STAM2: variants seen among roughly 807,000 people sequenced by gnomAD.
The protein encoded by STAM2 is signal transducing adaptor molecule 2, also known as signal transducing adapter molecule 2.
Under a neutral mutation model 65.6 loss-of-function variants are expected in STAM2, and 51 were observed. That is an observed-to-expected ratio of 0.78 (90% CI 0.62 to 0.98). The LOEUF is 0.98. Among genes scored for constraint, STAM2 ranks in the 50% least tolerant of loss-of-function variants. The pLI is 0.00. For synonymous variants in STAM2, 198 were observed against 208.4 expected (o/e 0.95, Z 0.43); for missense variants, 584 against 617.8 (o/e 0.95, Z 0.58).
rs1560206925 is a variant in STAM2 at position 152,118,446 on chromosome 2, T to TATATATATATA, written c.*2127_*2128insTATATATATAT. ...CGATGTGCCAATATATACTATATAT[T>TATATATATATA]TATATATATATATATGTGTCATGTT... On this transcript the variant is annotated 3_prime_UTR_variant, in exon 14 of 14. Coordinates refer to ENST00000263904, the MANE Select transcript of STAM2 (RefSeq NM_005843.6). 102 of 144,882 alleles carry TATATATATATA rather than the reference T, an allele frequency of 7.0e-4. No homozygotes were observed. Among genetic ancestry groups the TATATATATATA allele is most frequent in the African/African-American group, 2.2e-3 (87 of 38,916 alleles). The allele number at this position is 144,882 out of a possible 1,614,324, so 9.0% of individuals were successfully genotyped here.
chr2:152,171,823 T>C (rs1290747127), intron 1 of STAM2, among the ~76,000 whole-genome samples: 1 of 152,192 alleles, frequency 6.6e-6, no homozygotes, highest in African/African-American at 2.4e-5. Flanking sequence ...AGCAAACATT[T>C]AGCAATGAAT....
intron 1 of STAM2, among the ~76,000 whole-genome samples, chr2:152,157,971 A>T (rs1055366464): frequency 6.6e-6 from 1 of 152,234 alleles, no homozygotes; most frequent in African/African-American, 2.4e-5. Flanking sequence ...ATAATATAAA[A>T]AATTACTAAA....
chr2:152,125,247 T>C (rs931995284), intron 12 of STAM2, among the ~76,000 whole-genome samples: 5 of 152,198 alleles, frequency 3.3e-5, no homozygotes, highest in Admixed American at 6.5e-5. Flanking sequence ...AGAAAAATCT[T>C]TCCTACCCTC....
At chr2:152,147,998 A>T in intron 4 of STAM2, 26 bp downstream of exon 4, 1 of 1,542,068 alleles carries the variant, frequency 6.5e-7, no homozygotes. Context: ...TTAATGACTT[A>T]AAGTTCTTCT....
At chr2:152,151,581 G>T (rs1257549413) in intron 1 of STAM2, among the ~76,000 whole-genome samples, 5 of 152,304 alleles carry the variant, frequency 3.3e-5, no homozygotes, top group Non-Finnish European at 7.4e-5. Context: ...TATATTCATA[G>T]AGTTGTACAA....
At chr2:152,139,928 T>C (rs1170686418) in intron 7 of STAM2, among the ~76,000 whole-genome samples, 2 of 152,200 alleles carry the variant, frequency 1.3e-5, no homozygotes, top group African/African-American at 2.4e-5. Context: ...TCAGGTACTA[T>C]AAGTTATCTA....
chr2:152,124,270 T>A (rs1688913541), intron 12 of STAM2: 1 of 200,052 alleles, frequency 5.0e-6, no homozygotes. Context: ...AACTATACAC[T>A]CCCTTGAAGG....
At chr2:152,131,573 A>T (rs1165626041) in intron 11 of STAM2, 1 of 154,180 alleles carries the variant, frequency 6.5e-6, no homozygotes, top group Non-Finnish European at 1.5e-5. Flanking sequence ...AAAGAGGAAA[A>T]AGTCAGTGGA....
chr2:152,124,212 C>A, intron 12 of STAM2: 1 of 352,182 alleles, frequency 2.8e-6, no homozygotes, highest in Non-Finnish European at 5.2e-6. Flanking sequence ...GCAATCTATC[C>A]AGGTTGCCTA....
At chr2:152,127,669 T>C (rs1688985001) in intron 11 of STAM2, among the ~76,000 whole-genome samples, 1 of 151,888 alleles carries the variant, frequency 6.6e-6, no homozygotes, top group South Asian at 2.1e-4. Context: ...GTAAGACTAA[T>C]CTCTACAGCT....
chr2:152,159,197 T>C (rs1389158093), intron 1 of STAM2, among the ~76,000 whole-genome samples: 1 of 150,246 alleles, frequency 6.7e-6, no homozygotes, highest in Non-Finnish European at 1.5e-5. Context: ...TCCCCACTAC[T>C]TGAGAGGCTG....
intron 1 of STAM2, among the ~76,000 whole-genome samples, chr2:152,171,966 G>A (rs1689905452): frequency 6.6e-6 from 1 of 152,160 alleles, no homozygotes; most frequent in East Asian, 1.9e-4. Flanking sequence ...CAATGAATAA[G>A]GAAATGACAT....
chr2:152,140,521 A>G (rs934575830), intron 7 of STAM2, among the ~76,000 whole-genome samples: 3 of 152,222 alleles, frequency 2.0e-5, no homozygotes, highest in Admixed American at 1.3e-4. Context: ...TATAATTATC[A>G]CGTGAGAAAA....
intron 7 of STAM2, among the ~76,000 whole-genome samples, chr2:152,140,632 G>C (rs954741665): frequency 6.6e-6 from 1 of 152,144 alleles, no homozygotes; most frequent in Non-Finnish European, 1.5e-5. Context: ...TTTTAACATG[G>C]GGAGGCAACT....
At position 152,119,968 on chromosome 2, in the gene STAM2, T is replaced by A. The variant is rs568055187; in HGVS notation, c.*606A>T. ...ATAACAGTGAGAGCAAAAGTGACAA[T>A]ACTGCAAACACAACCGCAATTTAAG... is the stretch of plus-strand genomic sequence containing the variant. On this transcript the variant is annotated 3_prime_UTR_variant, in exon 14 of 14. Coordinates refer to ENST00000263904, the MANE Select transcript of STAM2 (RefSeq NM_005843.6). 4.2e-4 allele frequency: 65 copies of A among 152,944 alleles called. No homozygotes were observed. Among genetic ancestry groups the A allele is most frequent in the Admixed American group, 8.5e-4 (13 of 15,346 alleles). 9.5% of individuals were successfully genotyped at this position (152,944 alleles called of 1,614,324 possible).
intron 12 of STAM2, chr2:152,126,019 T>G: frequency 2.4e-6 from 1 of 413,898 alleles, no homozygotes; most frequent in South Asian, 6.4e-5. Context: ...AAAACTGAAC[T>G]AAAATGTATT....
In STAM2 at chr2:152,175,729, T is replaced by C; in HGVS notation, c.-87A>G. 4 of 1,432,308 alleles carry C rather than the reference T, an allele frequency of 2.8e-6. No individual in the cohort carries two copies. Among genetic ancestry groups the C allele is most frequent in the Non-Finnish European group, 3.8e-6 (4 of 1,043,068 alleles). The allele number at this position is 1,432,308 out of a possible 1,614,324, so 88.7% of individuals were successfully genotyped here. On this transcript the variant is annotated 5_prime_UTR_variant, in exon 1 of 14. Coordinates refer to ENST00000263904, the MANE Select transcript of STAM2 (RefSeq NM_005843.6). ...CGGGTGACCCGCGGCCGCGGCTCCC[T>C]AGACCGCTCCGCTTCGGCCTCCGTC...
At chr2:152,153,279 GAAT>G (rs1419736686) in intron 1 of STAM2, among the ~76,000 whole-genome samples, 3 of 151,204 alleles carry the variant, frequency 2.0e-5, no homozygotes, top group Non-Finnish European at 4.4e-5. Context: ...TTCAAATATA[GAAT>G]AATCTAGCAA....
At chr2:152,166,349 ACAAC>A (rs1216301110) in intron 1 of STAM2, among the ~76,000 whole-genome samples, 7 of 152,184 alleles carry the variant, frequency 4.6e-5, no homozygotes, top group Non-Finnish European at 7.4e-5. Context: ...GAGACAAAAA[ACAAC>A]CAAGGAGGAA....
Sources: gnomAD v4.1 joint callset for allele counts (sites outside exome capture counted in the v4.1 genomes callset) on GRCh38, gnomAD v4.1.1 for gene constraint, MANE v1.5 for transcripts, NCBI Gene and HGNC (gene_info 2026-07-23, HGNC 2026-07-21) for gene names.